Variants in EMILIN2 observed in about 807,000 individuals in gnomAD.
The protein encoded by EMILIN2 is EMILIN-2.
In EMILIN2, 71 loss-of-function variants were observed where a neutral mutation model predicts 87.1. The observed-to-expected ratio is 0.82, with a 90% CI of 0.67 to 0.99. EMILIN2 has a LOEUF of 0.99. Ranked by LOEUF, EMILIN2 falls within the 50% of genes least tolerant of loss-of-function variation. The probability of loss-of-function intolerance (pLI) is 0.00; values close to 1 mark genes in which losing one functional copy is unlikely to be tolerated. For missense variants in EMILIN2, 1,407 were observed against 1,371.8 expected (o/e 1.03, Z -0.40); for synonymous variants, 581 against 563.4 (o/e 1.03, Z -0.44).
At chr18:2,883,584 C>T (rs1413116430) in intron 2 of EMILIN2, among the ~76,000 whole-genome samples, 1 of 152,192 alleles carries the variant, frequency 6.6e-6, no homozygotes, top group Non-Finnish European at 1.5e-5. Flanking sequence ...GAGCAGGGGC[C>T]GCTGCGGGGG....
At chr18:2,906,625 C>T (rs1312411904) in intron 4 of EMILIN2, 158 bp from the exon 5 acceptor site, 38 of 536,420 alleles carry the variant, frequency 7.1e-5, no homozygotes, top group Admixed American at 9.1e-5. Flanking sequence ...AAGATGCGGG[C>T]GGACGCCCGT....
rs148932824 is a variant in EMILIN2, at chr18:2,866,619, G to A, written c.258-18345G>A. ...TTGGAGGAGTTTTAGGGTTTTCTAC[G>A]TATATAATCATATCATCAGCAAACA... On this transcript the variant is annotated intron_variant, in intron 2 of 7. Coordinates refer to ENST00000254528, the MANE Select transcript of EMILIN2 (RefSeq NM_032048.3). Among the ~76,000 whole-genome samples, 16 of 152,238 alleles carry A rather than the reference G, an allele frequency of 1.1e-4. No homozygotes were observed. In the East Asian group the frequency reaches 1.5e-3, roughly 15 times the overall value.
intron 7 of EMILIN2, among the ~76,000 whole-genome samples, chr18:2,911,107 T>C (rs1343828907): frequency 1.3e-5 from 2 of 152,086 alleles, no homozygotes; most frequent in Non-Finnish European, 2.9e-5. Flanking sequence ...CTGAGGCAAG[T>C]TTTAGAGCAG....
intron 2 of EMILIN2, among the ~76,000 whole-genome samples, chr18:2,878,775 G>A (rs1259861933): frequency 2.0e-5 from 3 of 152,080 alleles, no homozygotes; most frequent in Admixed American, 6.6e-5. Context: ...CCATCCTCCC[G>A]GCTCCGTTCC....
rs2076644107 is a variant in EMILIN2 at position 2,858,595 on chromosome 18, ATATATATGTG to A, written c.257+10672_257+10681del. Among the ~76,000 whole-genome samples, 4 of 110,030 alleles carry A rather than the reference ATATATATGTG, an allele frequency of 3.6e-5. 1 individual carries two copies. The highest frequency in any genetic ancestry group is 1.0e-4 in the African/African-American group (2 of 19,646). The allele number at this position is 110,030 out of a possible 152,430, so 72.2% of individuals were successfully genotyped here. A position where few individuals can be genotyped will look rare whatever the true frequency, so the allele number is the denominator to read the frequency against. On this transcript the variant is annotated intron_variant, in intron 2 of 7. Transcript: ENST00000254528. ...TGTGTGTGTGTGTGTATATATATAT[ATATATATGTG>A]TATATATATATATGTTCCACAGTTT...
At chr18:2,896,843 A>G (rs1263825468) in intron 4 of EMILIN2, among the ~76,000 whole-genome samples, 1 of 152,058 alleles carries the variant, frequency 6.6e-6, no homozygotes, top group Non-Finnish European at 1.5e-5. Context: ...TCGGGAGACA[A>G]AAGGTCCACA....
At position 2,855,288 on chromosome 18, in the gene EMILIN2, G is replaced by A. The variant is rs1177215565; in HGVS notation, c.257+7357G>A. 3.9e-5 allele frequency among the ~76,000 whole-genome samples: 6 copies of A among 152,124 alleles called. No homozygotes were observed. The East Asian group carries it at 9.6e-4, about 24-fold the overall frequency. The stretch of plus-strand genomic sequence containing the variant: ...AGATGCCATGCTTGCAGGGCCCTTC[G>A]GCATTTCCAGAACATTTCCACACCA... On this transcript the variant is annotated intron_variant, in intron 2 of 7. Coordinates refer to ENST00000254528, the MANE Select transcript of EMILIN2 (RefSeq NM_032048.3).
At chr18:2,869,786 T>TTTGTGTGTG (rs1555666537) in intron 2 of EMILIN2, among the ~76,000 whole-genome samples, 22 of 59,158 alleles carry the variant, frequency 3.7e-4, no homozygotes, top group East Asian at 1.8e-3. Context: ...GTGTGTGTGT[T>TTTGTGTGTG]TGTGTGTGTG....
At chr18:2,903,077 A>C (rs867148560) in intron 4 of EMILIN2, among the ~76,000 whole-genome samples, 1 of 152,014 alleles carries the variant, frequency 6.6e-6, no homozygotes, top group Non-Finnish European at 1.5e-5. Flanking sequence ...ATAGAGAGAC[A>C]TACGCTTGGG....
At chr18:2,862,233 C>T (rs958344321) in intron 2 of EMILIN2, among the ~76,000 whole-genome samples, 1 of 152,148 alleles carries the variant, frequency 6.6e-6, no homozygotes, top group Non-Finnish European at 1.5e-5. Context: ...ATTTCCTTCT[C>T]CTGCCTCATT....
Position 2,848,421 on chromosome 18 carries a change from T to C in EMILIN2, c.257+490T>C, listed in dbSNP as rs2076587198. Among the ~76,000 whole-genome samples the C allele has an allele frequency of 1.3e-5, 2 of 152,124 alleles. No individual in the cohort carries two copies. Among genetic ancestry groups the C allele is most frequent in the Admixed American group, 1.3e-4 (2 of 15,278 alleles). ...CCCCATAAAACGGAATCTTCCAGTT[T>C]TGTAGATGTCTAAGCTAAAACCTCA... On this transcript the variant is annotated intron_variant, in intron 2 of 7. Coordinates refer to ENST00000254528, the MANE Select transcript of EMILIN2 (RefSeq NM_032048.3). This position sits in a 1 kb window ranked among gnomAD's most constrained non-coding sequence, Gnocchi z 4.1.
At chr18:2,884,146 C>CA (rs2076791034) in intron 2 of EMILIN2, among the ~76,000 whole-genome samples, 1 of 152,122 alleles carries the variant, frequency 6.6e-6, no homozygotes, top group Admixed American at 6.6e-5. Context: ...TTAGTAGAGA[C>CA]GGGGTTTCAC....
rs1335109539 is a variant in EMILIN2 at position 2,906,841 on chromosome 18, C to T, written c.2418C>T (p.Pro806=). The change falls in exon 5 of 8, where the codon CCC becomes CCT. Residue 806 remains proline (P), a synonymous_variant. Coordinates refer to ENST00000254528, the MANE Select transcript of EMILIN2 (RefSeq NM_032048.3). ...EAPKEPLQPE[P]APPRPSGPAT... The stretch of plus-strand genomic sequence containing the variant: ...CGAAGGAGCCGCTGCAGCCCGAGCC[C>T]GCCCCGCCGAGGCCCAGCGGCCCCG... The T allele has an allele frequency of 3.0e-6, 4 of 1,343,032 alleles. No homozygotes were observed. Among genetic ancestry groups the T allele is most frequent in the Non-Finnish European group, 2.9e-6 (3 of 1,049,012 alleles). 83.2% of individuals were successfully genotyped at this position (1,343,032 alleles called of 1,614,324 possible). A position where few individuals can be genotyped will look rare whatever the true frequency, so the allele number is the denominator to read the frequency against.
intron 4 of EMILIN2, among the ~76,000 whole-genome samples, chr18:2,896,524 A>G (rs1350490694): frequency 6.6e-6 from 1 of 152,194 alleles, no homozygotes; most frequent in Non-Finnish European, 1.5e-5. Context: ...CCCAGGCTAG[A>G]GTACAGTGGT....
At chr18:2,864,047 G>T (rs1250836392) in intron 2 of EMILIN2, among the ~76,000 whole-genome samples, 1 of 152,076 alleles carries the variant, frequency 6.6e-6, no homozygotes, top group Admixed American at 6.5e-5. Flanking sequence ...TGCATCCCCT[G>T]CCTTTTTTTG....
Position 2,913,108 on chromosome 18 carries a change from G to A in EMILIN2, c.2866G>A (p.Ala956Thr). The A allele has an allele frequency of 1.9e-6, 3 of 1,612,618 alleles. No homozygotes were observed. The highest frequency in any genetic ancestry group is 2.5e-6 in the Non-Finnish European group (3 of 1,180,008). ...APYDGRYLIT[A>T]TLTPERDAYV... ...TTATGATGGGCGCTACCTGATCACG[G>A]CCACCCTCACCCCCGAGAGAGACGC... is the stretch of plus-strand genomic sequence containing the variant. Residue 956 changes from alanine (A) to threonine (T), a missense_variant, in exon 8 of 8, where the codon GCC (alanine) becomes ACC (threonine). Coordinates refer to ENST00000254528, the MANE Select transcript of EMILIN2 (RefSeq NM_032048.3).
In EMILIN2 at chr18:2,914,011, A is replaced by G. The variant is rs879945039; in HGVS notation, c.*607A>G. On this transcript the variant is annotated 3_prime_UTR_variant, in exon 8 of 8. Transcript: ENST00000254528. ...TCCCAAAGCTTGTTGGGCTCCTTAA[A>G]TGGCATGTACAATTTAAGTGCAAAG... is the stretch of plus-strand genomic sequence containing the variant. 5 of 152,948 alleles carry G rather than the reference A, an allele frequency of 3.3e-5. No individual in the cohort carries two copies. The highest frequency in any genetic ancestry group is 1.3e-4 in the Admixed American group (2 of 15,320). 9.5% of individuals were successfully genotyped at this position (152,948 alleles called of 1,614,324 possible).
intron 2 of EMILIN2, among the ~76,000 whole-genome samples, chr18:2,858,155 CTTTTT>C (rs932318273): frequency 4.0e-5 from 6 of 151,776 alleles, no homozygotes; most frequent in African/African-American, 1.5e-4. Context: ...GTTGTATTTT[CTTTTT>C]TATTTTTTTT....
At chr18:2,853,773 T>G (rs899315195) in intron 2 of EMILIN2, among the ~76,000 whole-genome samples, 4 of 152,158 alleles carry the variant, frequency 2.6e-5, no homozygotes, top group Non-Finnish European at 5.9e-5. Context: ...TGAGGGTGCA[T>G]GTGTGATGCC....
Sources: allele counts gnomAD v4.1 joint callset (sites outside exome capture counted in the v4.1 genomes callset), GRCh38; gene constraint gnomAD v4.1.1; non-coding constraint Gnocchi (gnomAD v3.1); transcripts MANE v1.5; gene names NCBI Gene and HGNC (gene_info 2026-07-23, HGNC 2026-07-21).